The following PCF11 variants were observed in gnomAD, a reference collection of about 807,000 sequenced individuals.
The protein encoded by PCF11 is PCF11 cleavage and polyadenylation factor subunit.
Under a neutral mutation model 166.1 loss-of-function variants are expected in PCF11, and 19 were observed. The observed-to-expected ratio is 0.11, with a 90% CI of 0.08 to 0.17. The LOEUF is 0.17. PCF11 is among the 10% of genes least tolerant of loss of function. The probability of loss-of-function intolerance (pLI) is 1.00; values close to 1 mark genes in which losing one functional copy is unlikely to be tolerated. For missense variants in PCF11, 1,565 were observed against 1,855.5 expected (o/e 0.84, Z 2.88); for synonymous variants, 663 against 644.1 (o/e 1.03, Z -0.44).
exon 11 of PCF11, chr11:83,177,748 A>G: frequency 2.6e-6 from 4 of 1,542,382 alleles, no homozygotes; most frequent in Non-Finnish European, 3.5e-6. Context: ...CTCCCCCTGA[A>G]GAGGAGGAAG....
exon 1 of PCF11, chr11:83,157,170 T>C: frequency 5.2e-6 from 3 of 575,108 alleles, no homozygotes; most frequent in Non-Finnish European, 9.3e-6. Flanking sequence ...TTTTCGGAGC[T>C]GGAGCCGCCA....
exon 16 of PCF11, chr11:83,184,908 G>C (rs1268366185): frequency 2.9e-5 from 43 of 1,500,102 alleles, no homozygotes; most frequent in Non-Finnish European, 3.6e-5. Context: ...AAATGAGAAA[G>C]GTATGTTTTT....
chr11:83,169,225 G>C (rs752827646), exon 8 of PCF11: 3 of 1,613,736 alleles, frequency 1.9e-6, no homozygotes, highest in South Asian at 2.2e-5. Flanking sequence ...TGGTCAGTCA[G>C]TAGCTGGTCT....
intron 11 of PCF11, among the ~76,000 whole-genome samples, chr11:83,179,907 G>A (rs1313546774): frequency 1.3e-5 from 2 of 151,840 alleles, no homozygotes; most frequent in African/African-American, 4.8e-5. Context: ...GACAGAGCGC[G>A]AGACTCCGTC....
intron 1 of PCF11, 138 bp downstream of exon 1, chr11:83,157,769 C>T: frequency 2.6e-6 from 2 of 779,980 alleles, no homozygotes; most frequent in Non-Finnish European, 4.2e-6. Flanking sequence ...CCAACTCAGG[C>T]TCGGTCTTTG....
At chr11:83,159,290 C>T (rs747952595) in intron 1 of PCF11, among the ~76,000 whole-genome samples, 36 of 152,018 alleles carry the variant, frequency 2.4e-4, no homozygotes, top group Non-Finnish European at 3.7e-4. Context: ...GACATGAAAA[C>T]TTAGTTTTTG....
At chr11:83,181,657 TAG>T (rs1200241385) in intron 12 of PCF11, among the ~76,000 whole-genome samples, 195 bp from the exon 13 acceptor site, 1 of 151,996 alleles carries the variant, frequency 6.6e-6, no homozygotes, top group Non-Finnish European at 1.5e-5. Context: ...GTTGTAACTA[TAG>T]AGTTAATGGA....
At chr11:83,164,135 C>A (rs1367134277) in intron 3 of PCF11, 72 bp from the exon 4 acceptor site, 3 of 1,009,260 alleles carry the variant, frequency 3.0e-6, no homozygotes, top group Non-Finnish European at 4.4e-6. Flanking sequence ...AAGAGTTAAG[C>A]TGATAATTTT....
At chr11:83,162,219 G>A (rs1271621364) in intron 2 of PCF11, among the ~76,000 whole-genome samples, 1 of 152,118 alleles carries the variant, frequency 6.6e-6, no homozygotes, top group Non-Finnish European at 1.5e-5. Context: ...GAGATACTTA[G>A]GTTTAAAGAT....
At chr11:83,162,632 G>C (rs145259642) in intron 2 of PCF11, among the ~76,000 whole-genome samples, 226 of 152,324 alleles carry the variant, frequency 1.5e-3, no homozygotes, top group African/African-American at 5.2e-3. Flanking sequence ...TAACATGACA[G>C]TTGATTAAAA....
chr11:83,159,774 C>T (rs555672548), intron 1 of PCF11, among the ~76,000 whole-genome samples: 47 of 152,242 alleles, frequency 3.1e-4, no homozygotes, highest in Non-Finnish European at 6.0e-4. Flanking sequence ...ATGTTTGTGT[C>T]CTTATTCTTT....
rs150185044 is a variant in PCF11 at position 83,157,756 on chromosome 11, C to T, written c.192+125C>T. 2.0e-4 allele frequency: 169 copies of T among 856,228 alleles called. 1 individual carries two copies. The highest frequency in any genetic ancestry group is 1.3e-3 in the South Asian group (81 of 63,528). The allele number at this position is 856,228 out of a possible 1,614,324, so 53.0% of individuals were successfully genotyped here. A position where few individuals can be genotyped will look rare whatever the true frequency, so the allele number is the denominator to read the frequency against. On this transcript the variant is annotated intron_variant, in intron 1 of 15. Transcript: ENST00000298281. ...TCCTTCTCTCCAACCCCCCCACCCC[C>T]CTCCAACTCAGGCTCGGTCTTTGGC...
chr11:83,165,540 A>C, intron 4 of PCF11, 60 bp from the exon 5 acceptor site: 1 of 1,354,394 alleles, frequency 7.4e-7, no homozygotes, highest in African/African-American at 1.5e-5. Flanking sequence ...AGTTGTTTGC[A>C]ATTTCTTGAC....
intron 1 of PCF11, chr11:83,158,556 T>C (rs1229605576): frequency 6.6e-6 from 1 of 152,252 alleles, no homozygotes; most frequent in Non-Finnish European, 1.5e-5. Context: ...TGTGGATTCA[T>C]ATGGGAGCGA....
intron 15 of PCF11, 194 bp from the exon 16 acceptor site, chr11:83,184,485 T>C (rs1349206012): frequency 1.8e-6 from 1 of 556,854 alleles, no homozygotes; most frequent in Non-Finnish European, 3.1e-6. Context: ...CACTGCTGAG[T>C]ACATATTGAA....
exon 16 of PCF11, chr11:83,185,595 A>G (rs1173546232): frequency 1.3e-5 from 2 of 150,410 alleles, no homozygotes; most frequent in Non-Finnish European, 3.0e-5. Flanking sequence ...TTAAGTACTA[A>G]AGGTGATTTT....
exon 8 of PCF11, chr11:83,169,596 T>G: frequency 6.2e-7 from 1 of 1,613,984 alleles, no homozygotes; most frequent in Non-Finnish European, 8.5e-7. Context: ...AACCCAGATT[T>G]GACGGTGTAC....
intron 1 of PCF11, among the ~76,000 whole-genome samples, chr11:83,160,431 CTG>C (rs1472459718): frequency 7.1e-6 from 1 of 141,808 alleles, no homozygotes; most frequent in Non-Finnish European, 1.5e-5. Context: ...CTCAACAAGT[CTG>C]TGAACCTGCT....
rs750899980 is a variant in PCF11 at position 83,171,788 on chromosome 11, A to G, written c.3661-30A>G. 7.2e-6 allele frequency: 8 copies of G among 1,103,708 alleles called. No individual in the cohort carries two copies. In the African/African-American group the frequency reaches 1.1e-4, roughly 15 times the overall value. The allele number at this position is 1,103,708 out of a possible 1,614,324, so 68.4% of individuals were successfully genotyped here. ...AAGTTTTACTTGAAATATAGAAAGC[A>G]TGTTCTTAAAATTAAGGTTTTTCTT... On this transcript the variant is annotated intron_variant, in intron 8 of 15. Coordinates refer to ENST00000298281, the Ensembl canonical transcript of PCF11.
Sources: gnomAD v4.1 joint callset for allele counts (sites outside exome capture counted in the v4.1 genomes callset) on GRCh38, gnomAD v4.1.1 for gene constraint, MANE v1.5 for transcripts, NCBI Gene and HGNC (gene_info 2026-07-23, HGNC 2026-07-21) for gene names.